Variants in ASTN2 observed in about 807,000 individuals in gnomAD.
The protein encoded by ASTN2 is astrotactin-2.
A neutral mutation model predicts 139.8 loss-of-function variants in ASTN2; 54 were observed. The observed-to-expected ratio is 0.39, with a 90% confidence interval of 0.31 to 0.48. The LOEUF is 0.48. Ranked by LOEUF, ASTN2 falls within the 20% of genes least tolerant of loss-of-function variation. The pLI is 0.95. For missense variants in ASTN2, 1,565 were observed against 1,725.1 expected (o/e 0.91, Z 1.64); for synonymous variants, 756 against 719.5 (o/e 1.05, Z -0.81).
At chr9:116,952,606 T>C (rs1244974388) in intron 10 of ASTN2, among the ~76,000 whole-genome samples, 1 of 152,116 alleles carries the variant, frequency 6.6e-6, no homozygotes, top group Non-Finnish European at 1.5e-5. Context: ...CAGCGTGACA[T>C]GCAGGGTAAT....
chr9:117,319,904 C>A (rs1406442918), intron 1 of ASTN2, among the ~76,000 whole-genome samples: 1 of 152,144 alleles, frequency 6.6e-6, no homozygotes, highest in Non-Finnish European at 1.5e-5. Context: ...AGTTCCCAAC[C>A]CCTTAATTTC....
At chr9:117,306,375 T>G (rs556341791) in intron 1 of ASTN2, among the ~76,000 whole-genome samples, 2 of 152,126 alleles carry the variant, frequency 1.3e-5, no homozygotes, top group Non-Finnish European at 2.9e-5. Flanking sequence ...ACATAGCAAG[T>G]CAGGGATAGG....
chr9:117,258,123 C>T (rs1166380368), intron 2 of ASTN2, among the ~76,000 whole-genome samples: 1 of 152,150 alleles, frequency 6.6e-6, no homozygotes, highest in African/African-American at 2.4e-5. Flanking sequence ...TAGCCTTGTG[C>T]TGACTTAGAG....
chr9:116,442,677 G>A, intron 20 of ASTN2, 124 bp from the exon 21 acceptor site: 1 of 793,230 alleles, frequency 1.3e-6, no homozygotes, highest in Non-Finnish European at 2.1e-6. Flanking sequence ...AAAAAAGAAT[G>A]ATACTTATAA....
At chr9:117,323,616 G>A (rs1020497407) in intron 1 of ASTN2, among the ~76,000 whole-genome samples, 2 of 152,210 alleles carry the variant, frequency 1.3e-5, no homozygotes, top group Non-Finnish European at 2.9e-5. Flanking sequence ...GGCTGGAGGT[G>A]GGGGCATGGA....
chr9:117,144,608 C>T (rs1830148015), intron 3 of ASTN2, among the ~76,000 whole-genome samples: 1 of 146,570 alleles, frequency 6.8e-6, no homozygotes, highest in African/African-American at 2.6e-5. Flanking sequence ...GACAGTTCCT[C>T]AGTAAGAGGA....
Position 117,291,508 on chromosome 9 carries a change from A to G in ASTN2, c.448T>C (p.Ser150Pro), listed in dbSNP as rs771506273. ...AGCGAGATGTCCGCTGCTGTGCCAG[A>G]CATCTCTGCAAGACAAGACCCGAGG... Reference protein sequence around the residue: ...TELPFFTLEMSGTAADISLVH... With the variant: ...TELPFFTLEMPGTAADISLVH... The change falls in exon 2 of 23, where the codon TCT becomes CCT. Residue 150 changes from serine to proline, a missense_variant. Physicochemically the swap from Ser to Pro is moderately conservative, Grantham distance 74. Coordinates refer to ENST00000313400, the MANE Select transcript of ASTN2 (RefSeq NM_001365068.1). 1.2e-6 allele frequency: 2 copies of G among 1,601,062 alleles called. No individual in the cohort carries two copies. Among genetic ancestry groups the G allele is most frequent in the African/African-American group, 2.7e-5 (2 of 74,834 alleles).
At chr9:116,531,880 C>G (rs1225585140) in intron 19 of ASTN2, among the ~76,000 whole-genome samples, 1 of 152,134 alleles carries the variant, frequency 6.6e-6, no homozygotes, top group African/African-American at 2.4e-5. Context: ...GGTATATACC[C>G]AGTAATGGGA....
At chr9:116,444,689 G>A (rs1016827957) in intron 20 of ASTN2, among the ~76,000 whole-genome samples, 1 of 152,122 alleles carries the variant, frequency 6.6e-6, no homozygotes, top group Non-Finnish European at 1.5e-5. Flanking sequence ...AGAGGAAGGG[G>A]CCCGGTCTTG....
chr9:116,842,870 C>T (rs1435301149), intron 11 of ASTN2, among the ~76,000 whole-genome samples: 2 of 151,844 alleles, frequency 1.3e-5, no homozygotes, highest in East Asian at 3.9e-4. Context: ...CTGCCCCCAT[C>T]CCCCAGGAGA....
At chr9:116,765,667 T>C (rs552965637) in intron 13 of ASTN2, among the ~76,000 whole-genome samples, 2 of 152,060 alleles carry the variant, frequency 1.3e-5, no homozygotes, top group African/African-American at 2.4e-5. Flanking sequence ...AATAGAATAC[T>C]GTACAGGCAT....
At chr9:117,135,812 G>A (rs1046624002) in intron 4 of ASTN2, among the ~76,000 whole-genome samples, 2 of 152,082 alleles carry the variant, frequency 1.3e-5, no homozygotes, top group East Asian at 1.9e-4. Flanking sequence ...AGAAAGGGTG[G>A]GGAGGAGGAA....
At chr9:116,964,254 TGTGC>T (rs755889836) in intron 10 of ASTN2, among the ~76,000 whole-genome samples, 18,712 of 128,308 alleles carry the variant, frequency 0.15, 1,191 homozygotes, top group East Asian at 0.22. Flanking sequence ...TGTGTGTGTG[TGTGC>T]GCGCGCGCGC....
chr9:117,385,442 C>T (rs1206858350), intron 1 of ASTN2, among the ~76,000 whole-genome samples: 1 of 152,082 alleles, frequency 6.6e-6, no homozygotes, highest in East Asian at 1.9e-4. Flanking sequence ...AGAGAGAGAT[C>T]TGTGAGAACA....
intron 16 of ASTN2, among the ~76,000 whole-genome samples, chr9:116,715,299 A>G (rs889349150): frequency 5.3e-5 from 8 of 152,186 alleles, no homozygotes; most frequent in Admixed American, 2.0e-4. Context: ...AGGCCCAGTG[A>G]CATTCAAAGG....
chr9:117,051,056 C>A (rs976920128), intron 5 of ASTN2, among the ~76,000 whole-genome samples: 1 of 152,124 alleles, frequency 6.6e-6, no homozygotes, highest in Non-Finnish European at 1.5e-5. Flanking sequence ...TTTCTCTTAA[C>A]CCTATCTCAT....
intron 4 of ASTN2, among the ~76,000 whole-genome samples, chr9:117,125,164 T>A (rs1289546721): frequency 6.6e-6 from 1 of 152,216 alleles, no homozygotes; most frequent in Non-Finnish European, 1.5e-5. Flanking sequence ...TTCTTAATAA[T>A]CTCTTTGCAA....
intron 6 of ASTN2, among the ~76,000 whole-genome samples, chr9:117,016,450 C>T (rs1254120170): frequency 6.6e-6 from 1 of 150,572 alleles, no homozygotes; most frequent in African/African-American, 2.5e-5. Flanking sequence ...TGTCACTGGG[C>T]TAGAGCCCAG....
At chr9:117,247,545 C>T (rs973384509) in intron 2 of ASTN2, among the ~76,000 whole-genome samples, 2 of 152,152 alleles carry the variant, frequency 1.3e-5, no homozygotes, top group Non-Finnish European at 2.9e-5. Flanking sequence ...GATGATTTGT[C>T]CCAAATACAG....
Sources: allele counts gnomAD v4.1 joint callset (sites outside exome capture counted in the v4.1 genomes callset), GRCh38; gene constraint gnomAD v4.1.1; transcripts MANE v1.5; gene names NCBI Gene and HGNC (gene_info 2026-07-23, HGNC 2026-07-21).